The following PIAS2 variants were observed in gnomAD, a reference collection of about 807,000 sequenced individuals.
PIAS2 encodes the protein protein inhibitor of activated STAT 2.
A neutral mutation model predicts 69.7 loss-of-function variants in PIAS2; 19 were observed. The ratio of observed to expected loss-of-function variants is 0.27; its 90% CI spans 0.19 to 0.40. The LOEUF (loss-of-function observed/expected upper bound fraction) is 0.40, where lower values mean the gene tolerates loss of function less well. PIAS2 is among the 10% of genes least tolerant of loss of function. The pLI, the probability that PIAS2 is intolerant of heterozygous loss-of-function variation, is 1.00. For synonymous variants in PIAS2, 261 were observed against 263.2 expected (o/e 0.99, Z 0.08); for missense variants, 624 against 757.0 (o/e 0.82, Z 2.06).
intron 1 of PIAS2, chr18:46,916,933 G>A: frequency 4.1e-6 from 4 of 985,512 alleles, no homozygotes; most frequent in Non-Finnish European, 3.6e-6. Flanking sequence ...GCAGACTTGT[G>A]AATAGCCACA....
chr18:46,901,150 G>A, intron 1 of PIAS2: 2 of 348,720 alleles, frequency 5.7e-6, no homozygotes, highest in Non-Finnish European at 1.1e-5. Context: ...GGGTGCGGTG[G>A]CTCACACCTG....
rs2043068060 is a variant in PIAS2, at chr18:46,828,102, T to C, written c.1365A>G (p.Ser455=). Residue 455 remains serine (S), a synonymous_variant, in exon 11 of 14, where the codon TCA becomes TCG. Transcript: ENST00000585916. ...TGCTTGCCTCACTGGCTACAGTCAC[T>C]GAACAAGGCTTACTGAGGACGCTTG... ...ESSSVLSKPC[S]VTVASEASKK... is the part of the protein sequence containing the mutation. 6.2e-7 allele frequency: 1 copy of C among 1,612,506 alleles called. No homozygotes were observed. Among genetic ancestry groups the C allele is most frequent in the Admixed American group, 1.7e-5 (1 of 59,742 alleles).
chr18:46,846,650 A>G, intron 6 of PIAS2, 57 bp downstream of exon 6: 1 of 1,482,594 alleles, frequency 6.7e-7, no homozygotes, highest in Non-Finnish European at 9.0e-7. Flanking sequence ...GAAAAAACAC[A>G]GAAAGTCAAC....
intron 1 of PIAS2, among the ~76,000 whole-genome samples, chr18:46,912,014 G>A (rs2057321735): frequency 6.6e-6 from 1 of 152,002 alleles, no homozygotes; most frequent in East Asian, 1.9e-4. Context: ...TGGCGCCATT[G>A]CTCTCCAGCC....
At chr18:46,848,341 A>G (rs1259098411) in intron 5 of PIAS2, among the ~76,000 whole-genome samples, 1 of 152,210 alleles carries the variant, frequency 6.6e-6, no homozygotes, top group Non-Finnish European at 1.5e-5. Flanking sequence ...AAATGTCCTT[A>G]AATTATTTAT....
chr18:46,820,378 A>G lies in PIAS2; in HGVS notation c.1648+555T>C, dbSNP rs564562063. ...AAAGAACAGTATATAGGGTTCTGTAATATCTGTGGTTTCAGACATTTACTG... is the reference window on the plus strand; with the variant it reads ...AAAGAACAGTATATAGGGTTCTGTAGTATCTGTGGTTTCAGACATTTACTG... On this transcript the variant is annotated intron_variant, in intron 12 of 13. Coordinates refer to ENST00000585916, the MANE Select transcript of PIAS2 (RefSeq NM_004671.5). Among the ~76,000 whole-genome samples, 656 of 152,274 alleles carry G rather than the reference A, an allele frequency of 4.3e-3. 2 individuals are homozygous for G. The highest frequency in any genetic ancestry group is 7.1e-3 in the Non-Finnish European group (481 of 68,022).
chr18:46,874,165 C>T lies in PIAS2; in HGVS notation c.500-9917G>A, dbSNP rs531702811. Among the ~76,000 whole-genome samples the T allele has an allele frequency of 5.3e-5, 8 of 152,204 alleles. No individual in the cohort carries two copies. The South Asian group carries it at 1.0e-3, about 20-fold the overall frequency. On this transcript the variant is annotated intron_variant, in intron 2 of 13. Coordinates refer to ENST00000585916, the MANE Select transcript of PIAS2 (RefSeq NM_004671.5). Reference sequence around the variant, plus strand: ...TTTAATATGCAAAAAAACTAATAAGCGAATCCTAAGAAAACCACCCATCGG... The same window carrying T: ...TTTAATATGCAAAAAAACTAATAAGTGAATCCTAAGAAAACCACCCATCGG...
At chr18:46,827,778 T>A in intron 11 of PIAS2, 181 bp downstream of exon 11, 1 of 505,000 alleles carries the variant, frequency 2.0e-6, no homozygotes, top group Admixed American at 3.3e-5. Context: ...TGTAAATATT[T>A]TCTCCATCAA....
intron 3 of PIAS2, among the ~76,000 whole-genome samples, chr18:46,855,992 C>CTTTTTTTTT (rs1256937354): frequency 1.0e-4 from 7 of 69,138 alleles, no homozygotes; most frequent in African/African-American, 2.8e-4. Context: ...TTTTCTTTTT[C>CTTTTTTTTT]TTTTGTTTTT....
intron 11 of PIAS2, among the ~76,000 whole-genome samples, chr18:46,823,340 C>T (rs2042400259): frequency 6.6e-6 from 1 of 152,074 alleles, no homozygotes; most frequent in Non-Finnish European, 1.5e-5. Context: ...TTTCCCACTC[C>T]CCCTTCTCTT....
At chr18:46,895,201 C>T (rs757474437) in intron 1 of PIAS2, among the ~76,000 whole-genome samples, 6 of 151,876 alleles carry the variant, frequency 4.0e-5, no homozygotes, top group Non-Finnish European at 7.4e-5. Context: ...GCTGCAATAA[C>T]GGCCTAGAAT....
chr18:46,912,072 A>T (rs760926212), intron 1 of PIAS2, among the ~76,000 whole-genome samples: 8 of 152,190 alleles, frequency 5.3e-5, no homozygotes, highest in Non-Finnish European at 8.8e-5. Flanking sequence ...GGAAAAAAGA[A>T]AACAAAGGCT....
rs1555813438 is a variant in PIAS2 at position 46,917,362 on chromosome 18, G to GCGCCGCCGCCGCTGC, written c.-32_-18dup. 2 of 1,460,668 alleles carry GCGCCGCCGCCGCTGC rather than the reference G, an allele frequency of 1.4e-6. No individual in the cohort carries two copies. The highest frequency in any genetic ancestry group is 1.8e-6 in the Non-Finnish European group (2 of 1,101,106). 90.5% of individuals were successfully genotyped at this position (1,460,668 alleles called of 1,614,324 possible). A position where few individuals can be genotyped will look rare whatever the true frequency, so the allele number is the denominator to read the frequency against. ...ATCCGCCATTTTATACCACCCGCGG[G>GCGCCGCCGCCGCTGC]CGCCGCCGCCGCTGCCGCCGCACCC... On this transcript the variant is annotated 5_prime_UTR_variant, in exon 1 of 14. Transcript: ENST00000585916.
intron 1 of PIAS2, among the ~76,000 whole-genome samples, chr18:46,900,375 AAG>A (rs1472712356): frequency 6.6e-6 from 1 of 151,762 alleles, no homozygotes; most frequent in Non-Finnish European, 1.5e-5. Context: ...AAAAAAAAAA[AAG>A]ATAATATAGG....
Position 46,843,905 on chromosome 18 carries a change from G to A in PIAS2, c.1041+149C>T. On this transcript the variant is annotated intron_variant, in intron 8 of 13. Transcript: ENST00000585916. ...GCATGCCCAAATAATACAAAGAATT[G>A]TGACTTAATCATGAAGATTCCTTAA... is the stretch of plus-strand genomic sequence containing the variant. The A allele has an allele frequency of 6.0e-6, 3 of 503,434 alleles. No homozygotes were observed. In the South Asian group the frequency reaches 1.4e-4, roughly 23 times the overall value. 31.2% of individuals were successfully genotyped at this position (503,434 alleles called of 1,614,324 possible). A position where few individuals can be genotyped will look rare whatever the true frequency, so the allele number is the denominator to read the frequency against.
intron 1 of PIAS2, among the ~76,000 whole-genome samples, chr18:46,906,707 C>G (rs2056639782): frequency 6.7e-6 from 1 of 149,312 alleles, no homozygotes; most frequent in South Asian, 2.1e-4. Flanking sequence ...ATGTAATTCT[C>G]TCCAAGCTAA....
At chr18:46,870,180 G>A (rs2050114375) in intron 2 of PIAS2, among the ~76,000 whole-genome samples, 1 of 148,222 alleles carries the variant, frequency 6.7e-6, no homozygotes, top group South Asian at 2.1e-4. Context: ...AGTGTAAAAA[G>A]GATATTCAGA....
intron 1 of PIAS2, among the ~76,000 whole-genome samples, chr18:46,912,258 C>T (rs2057353107): frequency 6.6e-6 from 1 of 152,174 alleles, no homozygotes; most frequent in African/African-American, 2.4e-5. Flanking sequence ...CAAGAATGCT[C>T]AAGTCTCTTA....
intron 1 of PIAS2, chr18:46,916,887 C>A: frequency 1.0e-6 from 1 of 985,494 alleles, no homozygotes; most frequent in Non-Finnish European, 1.2e-6. Flanking sequence ...GCAACTTCAG[C>A]TTTCAGAAAA....
Sources: allele counts gnomAD v4.1 joint callset (sites outside exome capture counted in the v4.1 genomes callset), GRCh38; gene constraint gnomAD v4.1.1; transcripts MANE v1.5; gene names NCBI Gene and HGNC (gene_info 2026-07-23, HGNC 2026-07-21).